Variants in IQSEC3 observed in about 807,000 individuals in gnomAD.
The protein encoded by IQSEC3 is IQ motif and SEC7 domain-containing protein 3.
IQSEC3 carries 50 observed loss-of-function variants against 105.4 expected under a neutral mutation model. The ratio of observed to expected loss-of-function variants is 0.47; its 90% confidence interval spans 0.38 to 0.60. The LOEUF (loss-of-function observed/expected upper bound fraction) is 0.60, where lower values mean the gene tolerates loss of function less well. Ranked by LOEUF, IQSEC3 falls within the 20% of genes least tolerant of loss-of-function variation. The pLI, the probability that IQSEC3 is intolerant of heterozygous loss-of-function variation, is 0.00. For synonymous variants in IQSEC3, 708 were observed against 746.0 expected, an observed-to-expected ratio of 0.95 and a Z score of 0.83; for missense variants, 1,415 against 1,630.0, an observed-to-expected ratio of 0.87 and a Z score of 2.27.
Position 125,811 on chromosome 12 carries a change from G to A in IQSEC3, c.802G>A (p.Ala268Thr), listed in dbSNP as rs1384439997. ...CCCAAGGGCTGGCCCCCAGCACAAG[G>A]CCTCCCCCGGCCGGCAGCAGCCTGC... ...ASPRAGPQHK[A>T]SPGRQQPALA... The change falls in exon 3 of 14, where the codon GCC becomes ACC. Residue 268 changes from alanine to threonine, a missense_variant. Coordinates refer to ENST00000538872, the MANE Select transcript of IQSEC3 (RefSeq NM_001170738.2). 16 of 1,527,056 alleles carry A rather than the reference G, an allele frequency of 1.0e-5. No individual in the cohort carries two copies. The highest frequency in any genetic ancestry group is 6.0e-5 in the Admixed American group (3 of 50,134). 94.6% of individuals were successfully genotyped at this position (1,527,056 alleles called of 1,614,324 possible). A position where few individuals can be genotyped will look rare whatever the true frequency, so the allele number is the denominator to read the frequency against.
chr12:147,689 AAGAAATG>A (rs1235769571), intron 5 of IQSEC3: 3 of 152,208 alleles, frequency 2.0e-5, no homozygotes, highest in African/African-American at 7.2e-5. Flanking sequence ...CCCTGGGGAA[AAGAAATG>A]ACTAGTCTCC....
At chr12:84,901 A>ACC (rs1156760981) in intron 1 of IQSEC3, among the ~76,000 whole-genome samples, 3 of 152,114 alleles carry the variant, frequency 2.0e-5, no homozygotes, top group African/African-American at 7.2e-5. Context: ...CCCAGAGGCC[A>ACC]CCTCCTCTGC....
At chr12:114,659 A>C (rs1173746440) in intron 2 of IQSEC3, among the ~76,000 whole-genome samples, 1 of 152,266 alleles carries the variant, frequency 6.6e-6, no homozygotes, top group Middle Eastern at 3.2e-3. Flanking sequence ...TTAACTCAGC[A>C]ACAGGCTGCC....
At chr12:155,909 A>G (rs1052708015) in intron 5 of IQSEC3, among the ~76,000 whole-genome samples, 1 of 152,102 alleles carries the variant, frequency 6.6e-6, no homozygotes, top group Admixed American at 6.5e-5. Flanking sequence ...CAAGAGCCCA[A>G]TCTAACGCGC....
In IQSEC3 at chr12:141,116, A is replaced by AAACCCC; in HGVS notation, c.1992-8_1992-7insAACCCC. The stretch of plus-strand genomic sequence containing the variant: ...CTCTCTACTGCTTCTCCCCACCCCC[A>AAACCCC]CCTCCAGAAACCCCGACAAGGGCAT... On this transcript the variant is annotated splice_polypyrimidine_tract_variant and splice_region_variant and intron_variant, in intron 4 of 13. Transcript: ENST00000538872. 8.5e-7 allele frequency: 1 copy of AAACCCC among 1,176,020 alleles called. No individual in the cohort carries two copies. Among genetic ancestry groups the AAACCCC allele is most frequent in the South Asian group, 1.7e-5 (1 of 58,624 alleles). The allele number at this position is 1,176,020 out of a possible 1,614,324, so 72.8% of individuals were successfully genotyped here. A position where few individuals can be genotyped will look rare whatever the true frequency, so the allele number is the denominator to read the frequency against.
chr12:73,856 A>G (rs2095203026), intron 1 of IQSEC3, among the ~76,000 whole-genome samples: 1 of 152,256 alleles, frequency 6.6e-6, no homozygotes, highest in African/African-American at 2.4e-5. Context: ...TGTTGAGCAT[A>G]CCCTGAAAAG....
chr12:153,998 G>A (rs1485156621), intron 5 of IQSEC3, among the ~76,000 whole-genome samples: 5 of 152,090 alleles, frequency 3.3e-5, no homozygotes, highest in Non-Finnish European at 7.4e-5. Context: ...TTATGACTCC[G>A]CTGTGGGGTC....
At chr12:73,662 T>C (rs1157466194) in intron 1 of IQSEC3, among the ~76,000 whole-genome samples, 2 of 151,670 alleles carry the variant, frequency 1.3e-5, no homozygotes, top group African/African-American at 2.4e-5. Flanking sequence ...AGAGCGAGAC[T>C]CCATGACCCC....
intron 13 of IQSEC3, 88 bp from the exon 14 acceptor site, chr12:174,511 A>AG: frequency 8.5e-7 from 1 of 1,180,256 alleles, no homozygotes. Flanking sequence ...AGTGGGAGGG[A>AG]GGCCAGGGGA....
chr12:161,264 G>A (rs879999313), intron 7 of IQSEC3, among the ~76,000 whole-genome samples: 11 of 152,146 alleles, frequency 7.2e-5, no homozygotes, highest in Non-Finnish European at 1.5e-4. Flanking sequence ...TATTTTAATC[G>A]CCTGTTTCTC....
chr12:101,377 G>C (rs1458469790), intron 2 of IQSEC3, among the ~76,000 whole-genome samples: 1 of 152,190 alleles, frequency 6.6e-6, no homozygotes, highest in Non-Finnish European at 1.5e-5. Context: ...TCCAGGGTTT[G>C]AGGTGGATGA....
At chr12:97,058 G>T (rs1464285212) in intron 1 of IQSEC3, among the ~76,000 whole-genome samples, 1 of 152,206 alleles carries the variant, frequency 6.6e-6, no homozygotes, top group Non-Finnish European at 1.5e-5. Flanking sequence ...CTATTTACTA[G>T]TAAGCATCTT....
chr12:163,447 C>A, intron 8 of IQSEC3, 47 bp from the exon 9 acceptor site: 1 of 1,542,846 alleles, frequency 6.5e-7, no homozygotes, highest in Non-Finnish European at 8.7e-7. Context: ...GGTGGGGAGG[C>A]CTCCAGGCCT....
chr12:91,008 T>G (rs1555073239), intron 1 of IQSEC3, among the ~76,000 whole-genome samples: 1 of 152,140 alleles, frequency 6.6e-6, no homozygotes, highest in East Asian at 1.9e-4. Flanking sequence ...GAAGCAATTT[T>G]ATGATTTCTC....
intron 5 of IQSEC3, among the ~76,000 whole-genome samples, chr12:156,365 C>G (rs1363878105): frequency 6.6e-6 from 1 of 152,186 alleles, no homozygotes; most frequent in Non-Finnish European, 1.5e-5. Flanking sequence ...CAGAATCTGA[C>G]CCTGCGTGTC....
chr12:167,840 C>T (rs187563022), intron 11 of IQSEC3: 2 of 152,372 alleles, frequency 1.3e-5, no homozygotes, highest in Admixed American at 1.3e-4. Context: ...GGGAAGTTGT[C>T]CAAGTTCACA....
At chr12:124,061 G>T (rs1555082508) in intron 2 of IQSEC3, among the ~76,000 whole-genome samples, 2 of 152,112 alleles carry the variant, frequency 1.3e-5, no homozygotes, top group East Asian at 3.9e-4. Flanking sequence ...ATAGGCCCTG[G>T]CTTCTAGGAA....
intron 2 of IQSEC3, among the ~76,000 whole-genome samples, chr12:124,696 G>A (rs1865327736): frequency 6.6e-6 from 1 of 152,252 alleles, no homozygotes; most frequent in Admixed American, 6.5e-5. Context: ...ACACAGCAGT[G>A]AAAGCTGCAG....
At chr12:165,351 C>G in intron 9 of IQSEC3, 83 bp from the exon 10 acceptor site, 2 of 1,004,624 alleles carry the variant, frequency 2.0e-6, no homozygotes, top group Non-Finnish European at 1.6e-6. Flanking sequence ...TTTGTGTGAT[C>G]GTGCATCCCC....
Sources: allele counts gnomAD v4.1 joint callset (sites outside exome capture counted in the v4.1 genomes callset), GRCh38; gene constraint gnomAD v4.1.1; transcripts MANE v1.5; gene names NCBI Gene and HGNC (gene_info 2026-07-23, HGNC 2026-07-21).